Variants in CDH22 observed in about 807,000 individuals in gnomAD.
The protein encoded by CDH22 is cadherin-22.
A neutral mutation model predicts 58.4 loss-of-function variants in CDH22; 30 were observed. That is an observed-to-expected ratio of 0.51 (90% CI 0.38 to 0.70). CDH22 has a LOEUF of 0.70. Ranked by LOEUF, CDH22 falls within the 30% of genes least tolerant of loss-of-function variation. The pLI, the probability that CDH22 is intolerant of heterozygous loss-of-function variation, is 0.00. For synonymous variants in CDH22, 513 were observed against 558.2 expected (o/e 0.92, Z 1.14); for missense variants, 1,014 against 1,233.9 (o/e 0.82, Z 2.67).
At chr20:46,180,926 T>TTGTGTGTGTGTG (rs11471209) in intron 10 of CDH22, among the ~76,000 whole-genome samples, 140 of 142,596 alleles carry the variant, frequency 9.8e-4, no homozygotes, top group African/African-American at 3.1e-3. Context: ...AAAGTTTGTT[T>TTGTGTGTGTGTG]TGTGTGTGTG....
chr20:46,245,557 A>C (rs1388189874), intron 2 of CDH22, among the ~76,000 whole-genome samples: 9 of 152,226 alleles, frequency 5.9e-5, no homozygotes, highest in South Asian at 2.1e-4. Flanking sequence ...GTGTGAGTGC[A>C]CGTGAGTGTG....
At chr20:46,244,512 A>G (rs2145730058) in intron 2 of CDH22, among the ~76,000 whole-genome samples, 1 of 152,360 alleles carries the variant, frequency 6.6e-6, no homozygotes, top group South Asian at 2.1e-4. Flanking sequence ...TCATTTATTG[A>G]GAACCTACTA....
chr20:46,218,406 C>T (rs2086100857), intron 4 of CDH22, among the ~76,000 whole-genome samples: 1 of 152,206 alleles, frequency 6.6e-6, no homozygotes, highest in South Asian at 2.1e-4. Context: ...ACACACAGCC[C>T]AGAGCCAGGC....
intron 4 of CDH22, among the ~76,000 whole-genome samples, chr20:46,226,563 G>A (rs2086176770): frequency 6.6e-6 from 1 of 152,058 alleles, no homozygotes. Flanking sequence ...GATCACAGGG[G>A]TGAGCCACTG....
At chr20:46,280,787 G>A (rs952352613) in intron 1 of CDH22, among the ~76,000 whole-genome samples, 1 of 152,238 alleles carries the variant, frequency 6.6e-6, no homozygotes, top group South Asian at 2.1e-4. Flanking sequence ...CGGGCAAAAT[G>A]TGTATGGTGG....
intron 3 of CDH22, among the ~76,000 whole-genome samples, chr20:46,236,655 A>ATCTG (rs1234696142): frequency 7.5e-6 from 1 of 132,680 alleles, no homozygotes; most frequent in African/African-American, 3.3e-5. Context: ...ATTAATATCT[A>ATCTG]TCTATCTATC....
intron 1 of CDH22, among the ~76,000 whole-genome samples, chr20:46,275,705 G>T (rs192534432): frequency 1.3e-5 from 2 of 152,082 alleles, no homozygotes; most frequent in African/African-American, 2.4e-5. Context: ...CCCTCTCTGT[G>T]CCAGGAGCTG....
At chr20:46,268,003 G>A (rs2086469663) in intron 1 of CDH22, among the ~76,000 whole-genome samples, 1 of 152,260 alleles carries the variant, frequency 6.6e-6, no homozygotes, top group South Asian at 2.1e-4. Context: ...CTGGAGCTGG[G>A]ATGCTCCAAA....
intron 8 of CDH22, among the ~76,000 whole-genome samples, chr20:46,189,029 C>G (rs2085845541): frequency 6.6e-6 from 1 of 152,054 alleles, no homozygotes; most frequent in Non-Finnish European, 1.5e-5. Context: ...AACTCAGGAT[C>G]CACTGTGTGC....
intron 4 of CDH22, among the ~76,000 whole-genome samples, chr20:46,222,182 C>G (rs1204885432): frequency 6.6e-6 from 1 of 152,208 alleles, no homozygotes; most frequent in Non-Finnish European, 1.5e-5. Flanking sequence ...CCTTGCTGAT[C>G]TCTTTCCTCA....
chr20:46,176,914 A>G (rs903210282), intron 11 of CDH22, among the ~76,000 whole-genome samples: 1 of 152,256 alleles, frequency 6.6e-6, no homozygotes, highest in Non-Finnish European at 1.5e-5. Context: ...ACTGATGTGC[A>G]CTTTCTTCGT....
At position 46,210,852 on chromosome 20, in the gene CDH22, A is replaced by T. The variant is rs2086038354; in HGVS notation, c.1033-292T>A. On this transcript the variant is annotated intron_variant, in intron 6 of 11. Transcript: ENST00000537909. This position sits in a 1 kb window ranked among gnomAD's most constrained non-coding sequence, Gnocchi z 4.5. The stretch of plus-strand genomic sequence containing the variant: ...CAGCGCAGTGTTGGCGGCATATTTC[A>T]TTAGTTTAGTTCACGAACACAAAGC... 6.6e-6 allele frequency among the ~76,000 whole-genome samples: 1 copy of T among 152,220 alleles called. No individual in the cohort carries two copies. Among genetic ancestry groups the T allele is most frequent in the Non-Finnish European group, 1.5e-5 (1 of 68,036 alleles).
chr20:46,199,691 G>T lies in CDH22; in HGVS notation c.1287-132C>A. ...CACACAAGGGGCAGAGAAACCCCTT[G>T]CGACCGAGGAGGAGCGGGAAGCAAC... On this transcript the variant is annotated intron_variant, in intron 7 of 11. Coordinates refer to ENST00000537909, the MANE Select transcript of CDH22 (RefSeq NM_021248.3). The T allele has an allele frequency of 7.0e-6, 8 of 1,148,554 alleles. 1 individual carries two copies. Among genetic ancestry groups the T allele is most frequent in the Non-Finnish European group, 9.6e-6 (8 of 830,352 alleles). 71.1% of individuals were successfully genotyped at this position (1,148,554 alleles called of 1,614,324 possible).
At chr20:46,205,033 G>T (rs2425775) in intron 7 of CDH22, among the ~76,000 whole-genome samples, 2 of 151,534 alleles carry the variant, frequency 1.3e-5, no homozygotes, top group African/African-American at 2.4e-5. Context: ...GGTGTAGTTC[G>T]GGAGCCTCTT....
intron 1 of CDH22, among the ~76,000 whole-genome samples, chr20:46,279,869 G>C (rs1476793723): frequency 6.6e-6 from 1 of 152,166 alleles, no homozygotes; most frequent in African/African-American, 2.4e-5. Context: ...CAAATTATAC[G>C]TGCAGAGAGA....
Position 46,248,027 on chromosome 20 carries a change from T to C in CDH22, c.255+3013A>G, listed in dbSNP as rs2086343311. ...TCCTGGCAGCTGCTTAATATGAGGC[T>C]CTTGAAGTGAGCACGGAGATTGTGT... On this transcript the variant is annotated intron_variant, in intron 2 of 11. Transcript: ENST00000537909. Among the ~76,000 whole-genome samples the C allele has an allele frequency of 2.6e-5, 4 of 152,156 alleles. No individual in the cohort carries two copies. In the South Asian group the frequency reaches 6.2e-4, roughly 24 times the overall value.
In CDH22 at chr20:46,261,498, C is replaced by A. The variant is rs577848583; in HGVS notation, c.-399-9805G>T. Among the ~76,000 whole-genome samples the A allele has an allele frequency of 5.9e-5, 9 of 152,292 alleles. No homozygotes were observed. In the East Asian group the frequency reaches 1.7e-3, roughly 29 times the overall value. On this transcript the variant is annotated intron_variant, in intron 1 of 11. Coordinates refer to ENST00000537909, the MANE Select transcript of CDH22 (RefSeq NM_021248.3). The stretch of plus-strand genomic sequence containing the variant: ...CTCCTGCTCCAGCGCCAGACTCAGG[C>A]TAGGGGAAAGGGTAGTTCAGGAAGA...
intron 1 of CDH22, among the ~76,000 whole-genome samples, chr20:46,296,346 ACTC>A (rs1426797373): frequency 6.6e-6 from 1 of 152,120 alleles, no homozygotes; most frequent in Non-Finnish European, 1.5e-5. Context: ...GAGGTCTTAC[ACTC>A]CTCATTTTAC....
At chr20:46,227,079 GC>G (rs1213919878) in intron 4 of CDH22, among the ~76,000 whole-genome samples, 1 of 152,162 alleles carries the variant, frequency 6.6e-6, no homozygotes, top group Admixed American at 6.5e-5. Context: ...CTTAACAACT[GC>G]CATGTGGGCA....
Sources: gnomAD v4.1 joint callset for allele counts (sites outside exome capture counted in the v4.1 genomes callset) on GRCh38, gnomAD v4.1.1 for gene constraint, Gnocchi (gnomAD v3.1) non-coding constraint, MANE v1.5 for transcripts, NCBI Gene and HGNC (gene_info 2026-07-23, HGNC 2026-07-21) for gene names.